The following DPF3 variants were observed in gnomAD, a reference collection of about 807,000 sequenced individuals.
DPF3 encodes the protein double PHD fingers 3.
In DPF3, 18 loss-of-function variants were observed where a neutral mutation model predicts 56.8. The observed-to-expected ratio is 0.32, with a 90% CI of 0.22 to 0.47. DPF3 has a LOEUF of 0.47. Among genes scored for constraint, DPF3 ranks in the 20% least tolerant of loss-of-function variants. The probability of loss-of-function intolerance (pLI) is 1.00; values close to 1 mark genes in which losing one functional copy is unlikely to be tolerated. For synonymous variants in DPF3, 188 were observed against 180.2 expected, an observed-to-expected ratio of 1.04 and a Z score of -0.35; for missense variants, 403 against 488.8, an observed-to-expected ratio of 0.82 and a Z score of 1.65.
chr14:72,620,354 A>T (rs566045032), intron 9 of DPF3, among the ~76,000 whole-genome samples: 1 of 152,272 alleles, frequency 6.6e-6, no homozygotes, highest in Non-Finnish European at 1.5e-5. Context: ...ATTCTCCATG[A>T]CTTTATATAT....
intron 1 of DPF3, among the ~76,000 whole-genome samples, chr14:72,791,823 T>A (rs1041838117): frequency 1.3e-5 from 2 of 152,194 alleles, no homozygotes; most frequent in African/African-American, 4.8e-5. Context: ...CCCAAATCTA[T>A]AAGGCCTTAA....
At chr14:72,822,923 GA>G (rs1369109445) in intron 1 of DPF3, among the ~76,000 whole-genome samples, 1 of 152,132 alleles carries the variant, frequency 6.6e-6, no homozygotes, top group Non-Finnish European at 1.5e-5. Context: ...AAAACTTTTT[GA>G]GCATCAACAT....
intron 1 of DPF3, among the ~76,000 whole-genome samples, chr14:72,825,463 C>A (rs892459729): frequency 6.6e-6 from 1 of 152,272 alleles, no homozygotes; most frequent in Non-Finnish European, 1.5e-5. Flanking sequence ...TCTCACAGAG[C>A]ACACTCAAAT....
intron 8 of DPF3, chr14:72,670,797 T>C: frequency 7.2e-6 from 8 of 1,103,842 alleles, no homozygotes; most frequent in Middle Eastern, 4.2e-4. Context: ...ACATCAACTC[T>C]GCTCCTGTCA....
At chr14:72,859,664 T>C (rs533828282) in intron 1 of DPF3, among the ~76,000 whole-genome samples, 1 of 152,206 alleles carries the variant, frequency 6.6e-6, no homozygotes, top group East Asian at 1.9e-4. Context: ...ACAGCTTGAC[T>C]ACTGGGGGCG....
At chr14:72,756,826 A>C (rs1252196584) in intron 2 of DPF3, among the ~76,000 whole-genome samples, 209 of 60,828 alleles carry the variant, frequency 3.4e-3, no homozygotes, top group African/African-American at 0.015. Context: ...GAAAGACAGA[A>C]AGAAAGAAAG....
chr14:72,819,324 T>C (rs61986323), intron 1 of DPF3, among the ~76,000 whole-genome samples: 21,530 of 152,216 alleles, frequency 0.14, 1,754 homozygotes, highest in Admixed American at 0.22. Context: ...TACCATATGA[T>C]TGAGAAGTTT....
chr14:72,821,931 C>T (rs889342131), intron 1 of DPF3, among the ~76,000 whole-genome samples: 11 of 151,946 alleles, frequency 7.2e-5, no homozygotes, highest in Admixed American at 2.0e-4. Context: ...TCACTTGAGC[C>T]CAGGAGTTCA....
chr14:72,819,240 G>A (rs987541528), intron 1 of DPF3, among the ~76,000 whole-genome samples: 1 of 152,228 alleles, frequency 6.6e-6, no homozygotes, highest in Non-Finnish European at 1.5e-5. Flanking sequence ...CACAGCCACT[G>A]CTGACGGGAA....
chr14:72,683,531 G>A (rs1277767166), intron 7 of DPF3, among the ~76,000 whole-genome samples: 1 of 152,082 alleles, frequency 6.6e-6, no homozygotes, highest in East Asian at 1.9e-4. Context: ...TAGCCTATGA[G>A]ATAGATGCCA....
chr14:72,621,986 T>G (rs1215898599), intron 9 of DPF3, among the ~76,000 whole-genome samples: 1 of 152,070 alleles, frequency 6.6e-6, no homozygotes, highest in Non-Finnish European at 1.5e-5. Context: ...AGGAGAGAAG[T>G]CTGGGCCTGA....
At chr14:72,639,686 T>C (rs1031641232) in intron 8 of DPF3, among the ~76,000 whole-genome samples, 2 of 152,018 alleles carry the variant, frequency 1.3e-5, no homozygotes, top group African/African-American at 4.8e-5. Flanking sequence ...AAGTGAGCCT[T>C]CAGATGAGAC....
chr14:72,782,937 C>T (rs1892045710), intron 1 of DPF3, among the ~76,000 whole-genome samples: 1 of 152,170 alleles, frequency 6.6e-6, no homozygotes, highest in African/African-American at 2.4e-5. Context: ...CTTCCCATGG[C>T]TACAGGTCCC....
chr14:72,624,714 C>T (rs1035293196), intron 9 of DPF3, among the ~76,000 whole-genome samples: 2 of 152,178 alleles, frequency 1.3e-5, no homozygotes, highest in Non-Finnish European at 2.9e-5. Flanking sequence ...TTCTCAGTAT[C>T]CTTCAATCTG....
Position 72,708,065 on chromosome 14 carries a change from T to C in DPF3, c.604+6358A>G, listed in dbSNP as rs540641204. Among the ~76,000 whole-genome samples, 4 of 152,142 alleles carry C rather than the reference T, an allele frequency of 2.6e-5. No individual in the cohort carries two copies. The East Asian group carries it at 7.7e-4, about 29-fold the overall frequency. ...TCATGAAGTGTGCATCAAGAAACAG[T>C]TAGTGGAGAGCAAGGTTGTGACTGA... is the stretch of plus-strand genomic sequence containing the variant. On this transcript the variant is annotated intron_variant, in intron 6 of 10. Transcript: ENST00000556509.
At chr14:72,716,923 C>T (rs541278996) in intron 5 of DPF3, among the ~76,000 whole-genome samples, 1 of 152,086 alleles carries the variant, frequency 6.6e-6, no homozygotes, top group Non-Finnish European at 1.5e-5. Flanking sequence ...TCCACATTGC[C>T]CCCCTAGTCC....
chr14:72,755,821 T>C (rs1890765115), intron 2 of DPF3, among the ~76,000 whole-genome samples: 2 of 152,118 alleles, frequency 1.3e-5, no homozygotes, highest in South Asian at 4.2e-4. Context: ...CTCTTGGAGC[T>C]CCCTGGCCCC....
intron 2 of DPF3, among the ~76,000 whole-genome samples, chr14:72,755,448 C>G (rs1307147886): frequency 6.6e-6 from 1 of 152,180 alleles, no homozygotes; most frequent in Non-Finnish European, 1.5e-5. Context: ...TGGAGACACT[C>G]TGCAGTGCAA....
intron 8 of DPF3, among the ~76,000 whole-genome samples, chr14:72,649,433 A>C (rs1885829566): frequency 6.6e-6 from 1 of 152,144 alleles, no homozygotes; most frequent in African/African-American, 2.4e-5. Flanking sequence ...AGAGGTCATC[A>C]CAGGTTCCAG....
Sources: allele counts gnomAD v4.1 joint callset (sites outside exome capture counted in the v4.1 genomes callset), GRCh38; gene constraint gnomAD v4.1.1; transcripts MANE v1.5; gene names NCBI Gene and HGNC (gene_info 2026-07-23, HGNC 2026-07-21).